The following FMN2 variants were observed in gnomAD, a reference collection of about 807,000 sequenced individuals.
The protein encoded by FMN2 is formin 2.
FMN2 carries 51 observed loss-of-function variants against 142.3 expected under a neutral mutation model. The observed-to-expected ratio is 0.36, with a 90% CI of 0.29 to 0.45. The LOEUF is 0.45. FMN2 is among the 20% of genes least tolerant of loss of function. The pLI is 1.00. For synonymous variants in FMN2, 882 were observed against 869.8 expected (o/e 1.01, Z -0.25); for missense variants, 1,936 against 2,122.8 (o/e 0.91, Z 1.73).
chr1:240,357,487 G>T (rs1229380236), intron 14 of FMN2, among the ~76,000 whole-genome samples: 1 of 152,142 alleles, frequency 6.6e-6, no homozygotes, highest in African/African-American at 2.4e-5. Flanking sequence ...CATTTATAAT[G>T]ATTTGAAAGG....
chr1:240,357,611 T>G (rs1187207777), intron 14 of FMN2, among the ~76,000 whole-genome samples: 4 of 62,876 alleles, frequency 6.4e-5, no homozygotes, highest in Admixed American at 1.8e-4. Flanking sequence ...ACCTTACGGG[T>G]TTTTTTTTTT....
At chr1:240,387,051 T>C (rs180863578) in intron 14 of FMN2, among the ~76,000 whole-genome samples, 109 of 152,340 alleles carry the variant, frequency 7.2e-4, no homozygotes, top group African/African-American at 2.5e-3. Flanking sequence ...GGTGCAGCAA[T>C]TGATCAACTT....
chr1:240,194,754 A>G (rs1665849283), intron 4 of FMN2, among the ~76,000 whole-genome samples: 1 of 152,366 alleles, frequency 6.6e-6, no homozygotes, highest in Admixed American at 6.5e-5. Flanking sequence ...TTTAGTTGGT[A>G]GAAACTATGT....
chr1:240,118,294 T>G (rs1450187282), intron 1 of FMN2, among the ~76,000 whole-genome samples: 1 of 152,100 alleles, frequency 6.6e-6, no homozygotes, highest in Non-Finnish European at 1.5e-5. Flanking sequence ...GGGCAACGGG[T>G]AGCACAGCAG....
chr1:240,247,341 G>A (rs1440707507), intron 6 of FMN2, among the ~76,000 whole-genome samples: 1 of 152,002 alleles, frequency 6.6e-6, no homozygotes, highest in Non-Finnish European at 1.5e-5. Context: ...CATCTCTGCT[G>A]TAAATACAAA....
intron 14 of FMN2, among the ~76,000 whole-genome samples, chr1:240,389,911 C>T (rs547789755): frequency 2.0e-5 from 3 of 152,272 alleles, no homozygotes; most frequent in Admixed American, 6.5e-5. Flanking sequence ...ATCGTTGTAC[C>T]ACTGCACTGC....
intron 2 of FMN2, among the ~76,000 whole-genome samples, chr1:240,161,396 G>A (rs1230814776): frequency 6.6e-6 from 1 of 152,084 alleles, no homozygotes; most frequent in African/African-American, 2.4e-5. Flanking sequence ...AGCCAGGCGT[G>A]GTGGTGGGTG....
At chr1:240,175,798 A>G (rs1156778588) in intron 2 of FMN2, among the ~76,000 whole-genome samples, 2 of 152,140 alleles carry the variant, frequency 1.3e-5, no homozygotes, top group Non-Finnish European at 2.9e-5. Context: ...TTCCATAATG[A>G]TTAGTGATAT....
intron 13 of FMN2, among the ~76,000 whole-genome samples, chr1:240,351,247 A>G (rs1006263709): frequency 4.6e-5 from 7 of 152,200 alleles, no homozygotes; most frequent in African/African-American, 1.7e-4. Context: ...CAGGGGGTGC[A>G]CTGTAGAGAG....
intron 7 of FMN2, among the ~76,000 whole-genome samples, chr1:240,258,843 T>C (rs1668534129): frequency 6.6e-6 from 1 of 152,172 alleles, no homozygotes; most frequent in Non-Finnish European, 1.5e-5. Context: ...TTAAAGCAGA[T>C]TGAATTATCC....
intron 1 of FMN2, among the ~76,000 whole-genome samples, chr1:240,112,028 A>C (rs1280022190): frequency 6.6e-6 from 1 of 152,220 alleles, no homozygotes; most frequent in Non-Finnish European, 1.5e-5. Context: ...AGTTCTGCAT[A>C]ATTAGGTATA....
At chr1:240,224,451 G>A (rs1042638951) in intron 6 of FMN2, among the ~76,000 whole-genome samples, 1 of 151,954 alleles carries the variant, frequency 6.6e-6, no homozygotes, top group Admixed American at 6.6e-5. Flanking sequence ...TGAGAAGAAT[G>A]TATATTCTGT....
chr1:240,148,086 G>C (rs1419926360), intron 2 of FMN2, among the ~76,000 whole-genome samples: 1 of 152,152 alleles, frequency 6.6e-6, no homozygotes, highest in East Asian at 1.9e-4. Flanking sequence ...TCAACAAAAC[G>C]TTTTCCCTGG....
At chr1:240,413,432 GC>G (rs1180556156) in intron 15 of FMN2, among the ~76,000 whole-genome samples, 2 of 152,092 alleles carry the variant, frequency 1.3e-5, no homozygotes, top group Non-Finnish European at 1.5e-5. Context: ...AGTGGCTAGT[GC>G]CAGTAGGTGG....
intron 2 of FMN2, chr1:240,143,805 T>C (rs1311425978): frequency 6.3e-5 from 96 of 1,523,822 alleles, no homozygotes; most frequent in Non-Finnish European, 7.9e-5. Context: ...CCCACTGCTA[T>C]CATTCCACAG....
At chr1:240,356,461 A>C (rs2103047586) in intron 14 of FMN2, among the ~76,000 whole-genome samples, 1 of 152,140 alleles carries the variant, frequency 6.6e-6, no homozygotes, top group Admixed American at 6.6e-5. Flanking sequence ...TATCTCATGG[A>C]CTCTTCCTGC....
At chr1:240,237,475 T>C (rs1381667139) in intron 6 of FMN2, among the ~76,000 whole-genome samples, 1 of 152,218 alleles carries the variant, frequency 6.6e-6, no homozygotes, top group Admixed American at 6.5e-5. Context: ...TTTTGTTTAC[T>C]GATATGCATT....
chr1:240,301,839 G>A (rs1304027312), intron 8 of FMN2, among the ~76,000 whole-genome samples: 2 of 151,826 alleles, frequency 1.3e-5, no homozygotes, highest in Admixed American at 6.6e-5. Flanking sequence ...ATATAAGTAG[G>A]CATGGTTTTC....
intron 16 of FMN2, among the ~76,000 whole-genome samples, chr1:240,456,293 G>A (rs1676243768): frequency 6.6e-6 from 1 of 152,120 alleles, no homozygotes; most frequent in Non-Finnish European, 1.5e-5. Flanking sequence ...CAACTTTCAT[G>A]AGGCTATGTA....
Sources: allele counts gnomAD v4.1 joint callset (sites outside exome capture counted in the v4.1 genomes callset), GRCh38; gene constraint gnomAD v4.1.1; transcripts MANE v1.5; gene names NCBI Gene and HGNC (gene_info 2026-07-23, HGNC 2026-07-21).